Variants in BCAS3 observed in about 807,000 individuals in gnomAD.
BCAS3 encodes BCAS4/BCAS3 fusion.
A neutral mutation model predicts 116.1 loss-of-function variants in BCAS3; 53 were observed. That is an observed-to-expected ratio of 0.46 (90% CI 0.37 to 0.57). BCAS3 has a LOEUF of 0.57. BCAS3 is among the 20% of genes least tolerant of loss of function. The pLI is 0.00. For synonymous variants in BCAS3, 391 were observed against 408.2 expected, an observed-to-expected ratio of 0.96 and a Z score of 0.51; for missense variants, 917 against 1,165.4, an observed-to-expected ratio of 0.79 and a Z score of 3.10.
rs1328358109 is a variant in BCAS3 at position 60,755,697 on chromosome 17, T to C, written c.403+8418T>C. 2.6e-5 allele frequency among the ~76,000 whole-genome samples: 4 copies of C among 152,350 alleles called. No individual in the cohort carries two copies. The South Asian group carries it at 8.3e-4, about 32-fold the overall frequency. ...TGATATTAGATATTCTTCTTTTCAA[T>C]ATGCTTTTCAATAGCTGCATAAATT... On this transcript the variant is annotated intron_variant, in intron 6 of 23. Transcript: ENST00000407086.
At chr17:61,257,175 A>C (rs2048844512) in intron 22 of BCAS3, among the ~76,000 whole-genome samples, 1 of 152,038 alleles carries the variant, frequency 6.6e-6, no homozygotes, top group South Asian at 2.1e-4. Context: ...TAACCCCAGC[A>C]CTTTGGGAGG....
chr17:61,136,256 CTCT>C lies in BCAS3; in HGVS notation c.2425+51699_2425+51701del, dbSNP rs201885933. On this transcript the variant is annotated intron_variant, in intron 22 of 23. Transcript: ENST00000407086. This position sits in a 1 kb window ranked among gnomAD's most constrained non-coding sequence, Gnocchi z 4.4. ...TCCAATATTTTTACTTAAGCATCCCCTCTTCTTCTCTGCACCTGGAGCATCTTG... is the reference window on the plus strand; with the variant it reads ...TCCAATATTTTTACTTAAGCATCCCCTCTTCTCTGCACCTGGAGCATCTTG... 3.3e-3 allele frequency among the ~76,000 whole-genome samples: 497 copies of C among 151,658 alleles called. 1 individual carries two copies. Among genetic ancestry groups the C allele is most frequent in the African/African-American group, 0.011 (453 of 40,926 alleles).
intron 14 of BCAS3, among the ~76,000 whole-genome samples, chr17:60,949,340 C>T (rs1192662205): frequency 6.6e-6 from 1 of 152,146 alleles, no homozygotes; most frequent in Non-Finnish European, 1.5e-5. Flanking sequence ...TGAGTACAGC[C>T]TTGACCTCCT....
intron 4 of BCAS3, among the ~76,000 whole-genome samples, chr17:60,700,458 T>G (rs946211862): frequency 9.9e-5 from 15 of 152,174 alleles, no homozygotes; most frequent in Non-Finnish European, 2.1e-4. Flanking sequence ...AGTCATGATC[T>G]TTGAGTGGAG....
At chr17:60,771,237 A>AT (rs542036919) in intron 6 of BCAS3, among the ~76,000 whole-genome samples, 256 of 150,022 alleles carry the variant, frequency 1.7e-3, no homozygotes, top group Middle Eastern at 6.8e-3. Flanking sequence ...CTTCGTTTCT[A>AT]TTTTTTTTTC....
chr17:61,245,475 G>A (rs1011325772), intron 22 of BCAS3: 1 of 151,346 alleles, frequency 6.6e-6, no homozygotes, highest in Non-Finnish European at 1.5e-5. Context: ...TCAGCCCCCC[G>A]AGAAGCTGGT....
chr17:60,874,621 C>T (rs2055422361), intron 8 of BCAS3, 41 bp from the exon 9 acceptor site: 17 of 1,408,810 alleles, frequency 1.2e-5, no homozygotes, highest in Non-Finnish European at 1.7e-5. Flanking sequence ...ATTTCACATT[C>T]ACTTTTTTTC....
At chr17:61,169,395 C>A (rs897653595) in intron 22 of BCAS3, among the ~76,000 whole-genome samples, 4 of 152,176 alleles carry the variant, frequency 2.6e-5, no homozygotes, top group African/African-American at 4.8e-5. Flanking sequence ...ATGTGGATAA[C>A]CTAGCTGTGC....
At chr17:60,798,193 A>G (rs907631062) in intron 6 of BCAS3, among the ~76,000 whole-genome samples, 1 of 152,228 alleles carries the variant, frequency 6.6e-6, no homozygotes, top group Non-Finnish European at 1.5e-5. Context: ...TCCCTAATTG[A>G]CATTAGGATT....
intron 13 of BCAS3, among the ~76,000 whole-genome samples, chr17:60,935,222 C>T (rs1356313047): frequency 6.6e-6 from 1 of 151,580 alleles, no homozygotes; most frequent in African/African-American, 2.4e-5. Context: ...AAAAGGATAT[C>T]TAGAATGCTA....
chr17:61,039,294 T>C (rs1005189007), intron 18 of BCAS3, among the ~76,000 whole-genome samples: 1 of 152,244 alleles, frequency 6.6e-6, no homozygotes, highest in Non-Finnish European at 1.5e-5. Flanking sequence ...TTTTTATGGC[T>C]ACATAATACT....
chr17:61,386,700 GC>G (rs1274827283), intron 23 of BCAS3, among the ~76,000 whole-genome samples: 1 of 151,558 alleles, frequency 6.6e-6, no homozygotes, highest in Non-Finnish European at 1.5e-5. Flanking sequence ...TTTTCGCAGG[GC>G]CTTTGATTGG....
chr17:61,208,535 A>G lies in BCAS3; in HGVS notation c.2425+123971A>G, dbSNP rs2081276429. ...ACTCGAATCTCATTAGCTCAGCTTA[A>G]TTTGAGGATGTTCTGAAAAGAGAGA... On this transcript the variant is annotated intron_variant, in intron 22 of 23. Transcript: ENST00000407086. This position sits in a 1 kb window ranked among gnomAD's most constrained non-coding sequence, Gnocchi z 4.5. 6.6e-6 allele frequency among the ~76,000 whole-genome samples: 1 copy of G among 152,172 alleles called. No homozygotes were observed. The highest frequency in any genetic ancestry group is 2.4e-5 in the African/African-American group (1 of 41,436).
At chr17:60,701,205 C>CT (rs1234482786) in intron 4 of BCAS3, among the ~76,000 whole-genome samples, 1 of 151,874 alleles carries the variant, frequency 6.6e-6, no homozygotes, top group African/African-American at 2.4e-5. Context: ...GATCACACCA[C>CT]TGCACTCCAG....
At chr17:61,359,179 C>A (rs2058317181) in intron 22 of BCAS3, among the ~76,000 whole-genome samples, 1 of 152,170 alleles carries the variant, frequency 6.6e-6, no homozygotes, top group African/African-American at 2.4e-5. Flanking sequence ...AGTGTTCCCT[C>A]AGTCACTCTC....
At chr17:60,741,257 T>C (rs1265002938) in intron 5 of BCAS3, among the ~76,000 whole-genome samples, 2 of 152,186 alleles carry the variant, frequency 1.3e-5, no homozygotes, top group Non-Finnish European at 2.9e-5. Context: ...TGTGGTCAGA[T>C]CTAAGTGAAG....
At chr17:61,289,400 C>G (rs768601703) in intron 22 of BCAS3, among the ~76,000 whole-genome samples, 1 of 152,242 alleles carries the variant, frequency 6.6e-6, no homozygotes, top group African/African-American at 2.4e-5. Context: ...TTTACCTCCA[C>G]GTACATTACT....
intron 22 of BCAS3, among the ~76,000 whole-genome samples, chr17:61,353,232 A>G (rs918871390): frequency 2.0e-5 from 3 of 152,170 alleles, no homozygotes; most frequent in African/African-American, 7.2e-5. Context: ...ATAGAACCAG[A>G]TATACTCTAA....
At chr17:61,310,778 C>G (rs981294722) in intron 22 of BCAS3, among the ~76,000 whole-genome samples, 2 of 152,022 alleles carry the variant, frequency 1.3e-5, no homozygotes, top group African/African-American at 4.8e-5. Context: ...GTAAACAGAT[C>G]ATCATAGTGA....
Sources: gnomAD v4.1 joint callset for allele counts (sites outside exome capture counted in the v4.1 genomes callset) on GRCh38, gnomAD v4.1.1 for gene constraint, Gnocchi (gnomAD v3.1) non-coding constraint, MANE v1.5 for transcripts, NCBI Gene and HGNC (gene_info 2026-07-23, HGNC 2026-07-21) for gene names.